Variants in CTNNA2 observed in about 807,000 individuals in gnomAD.
CTNNA2 encodes catenin alpha-2.
In CTNNA2, 42 loss-of-function variants were observed where a neutral mutation model predicts 101.0. The observed-to-expected ratio is 0.42, with a 90% confidence interval of 0.32 to 0.54. CTNNA2 has a LOEUF of 0.54. Ranked by LOEUF, CTNNA2 falls within the 20% of genes least tolerant of loss-of-function variation. The pLI is 0.14. For synonymous variants in CTNNA2, 450 were observed against 456.4 expected (o/e 0.99, Z 0.18); for missense variants, 871 against 1,223.1 (o/e 0.71, Z 4.29).
chr2:80,561,827 A>ATTTTTTT (rs368503035), intron 12 of CTNNA2, among the ~76,000 whole-genome samples: 6 of 123,580 alleles, frequency 4.9e-5, no homozygotes, highest in African/African-American at 6.1e-5. Context: ...CGCCTGGCTA[A>ATTTTTTT]TTTTTTTTTT....
intron 1 of CTNNA2, among the ~76,000 whole-genome samples, chr2:79,633,514 C>A (rs576362296): frequency 1.6e-3 from 251 of 152,264 alleles, no homozygotes; most frequent in Non-Finnish European, 2.6e-3. Context: ...TTAACCCATA[C>A]CTGTAGATGA....
At chr2:80,589,161 G>C (rs1278898721) in intron 14 of CTNNA2, 143 bp from the exon 15 acceptor site, 2 of 800,926 alleles carry the variant, frequency 2.5e-6, no homozygotes, top group Admixed American at 2.9e-5. Context: ...CCCTGGAATG[G>C]AGAAAGACGT....
rs936741631 is a variant in CTNNA2, at chr2:80,349,717, G to C, written c.1057-43494G>C. 1.9e-4 allele frequency among the ~76,000 whole-genome samples: 29 copies of C among 152,000 alleles called. 1 individual carries two copies. Among genetic ancestry groups the C allele is most frequent in the Admixed American group, 1.9e-3 (29 of 15,240 alleles). On this transcript the variant is annotated intron_variant, in intron 7 of 18. Transcript: ENST00000402739. ...GAATTAATTAAATCGATGGGGTCTT[G>C]CTATGTTGCTTAGGCTGGTCTTGAA... is the stretch of plus-strand genomic sequence containing the variant.
intron 2 of CTNNA2, among the ~76,000 whole-genome samples, chr2:79,664,992 T>C (rs1168424288): frequency 6.6e-6 from 1 of 152,170 alleles, no homozygotes; most frequent in Non-Finnish European, 1.5e-5. Context: ...ATTACAGGCG[T>C]GAGCCACCGT....
At chr2:80,046,821 G>A (rs537827982) in intron 7 of CTNNA2, among the ~76,000 whole-genome samples, 1 of 152,258 alleles carries the variant, frequency 6.6e-6, no homozygotes, top group East Asian at 1.9e-4. Flanking sequence ...TAACCAACAT[G>A]TACTCTAGGT....
At chr2:80,490,281 C>T (rs1686946409) in intron 9 of CTNNA2, among the ~76,000 whole-genome samples, 2 of 33,594 alleles carry the variant, frequency 6.0e-5, no homozygotes, top group African/African-American at 2.2e-4. Context: ...TCCCCCCCCA[C>T]CCCCCCCCCG....
At chr2:79,508,750 T>G (rs916768443), upstream of CTNNA2, among the ~76,000 whole-genome samples, 2 of 151,748 alleles carry the variant, frequency 1.3e-5, no homozygotes, top group African/African-American at 4.8e-5. Context: ...AGATAAAAAT[T>G]GCCTCCATTT....
intron 4 of CTNNA2, among the ~76,000 whole-genome samples, chr2:79,415,048 T>C (rs1036677437): frequency 7.9e-5 from 12 of 152,158 alleles, no homozygotes; most frequent in African/African-American, 2.9e-4. Flanking sequence ...CTCCCTGTTG[T>C]GGTTTAGATG....
chr2:79,961,899 T>C (rs1332253090), intron 7 of CTNNA2, among the ~76,000 whole-genome samples: 2 of 151,750 alleles, frequency 1.3e-5, no homozygotes, highest in African/African-American at 2.4e-5. Flanking sequence ...GATGGACCTT[T>C]CCCTGGCCAG....
chr2:80,122,719 C>T (rs181946747), intron 7 of CTNNA2, among the ~76,000 whole-genome samples: 156 of 152,174 alleles, frequency 1.0e-3, no homozygotes, highest in Admixed American at 7.5e-3. Flanking sequence ...GTATAGGTAT[C>T]GCCATAGGTA....
chr2:79,466,705 C>A (rs1228127568), intron 4 of CTNNA2, among the ~76,000 whole-genome samples: 4 of 152,224 alleles, frequency 2.6e-5, no homozygotes. Flanking sequence ...CAGGCAGCAA[C>A]ATTTGCTGTT....
At chr2:80,419,821 G>C (rs1025782265) in intron 9 of CTNNA2, among the ~76,000 whole-genome samples, 2 of 151,878 alleles carry the variant, frequency 1.3e-5, no homozygotes, top group African/African-American at 2.4e-5. Context: ...AGCATGCTCT[G>C]AAACATATCT....
chr2:80,456,434 T>G (rs1683983560), intron 9 of CTNNA2, among the ~76,000 whole-genome samples: 2 of 152,146 alleles, frequency 1.3e-5, no homozygotes, highest in South Asian at 4.1e-4. Flanking sequence ...TTGGGTGGAC[T>G]GGGGTGCTAT....
At chr2:79,558,152 T>A (rs1470724703) in intron 1 of CTNNA2, among the ~76,000 whole-genome samples, 3 of 151,942 alleles carry the variant, frequency 2.0e-5, no homozygotes, top group Non-Finnish European at 4.4e-5. Context: ...GTTCAGGTAG[T>A]TTCCTGGGCT....
At position 80,070,096 on chromosome 2, in the gene CTNNA2, A is replaced by G. The variant is rs574646048; in HGVS notation, c.1056+160299A>G. 2.7e-3 allele frequency among the ~76,000 whole-genome samples: 409 copies of G among 152,106 alleles called. 1 individual carries two copies. The highest frequency in any genetic ancestry group is 4.6e-3 in the Non-Finnish European group (310 of 67,990). On this transcript the variant is annotated intron_variant, in intron 7 of 18. Coordinates refer to ENST00000402739, the MANE Select transcript of CTNNA2 (RefSeq NM_001282597.3). ...ATCAATCAGCCCAGCCAACACTGTA[A>G]CTCCCTTCTCAGTCTATTCACTCAT... is the stretch of plus-strand genomic sequence containing the variant.
chr2:80,018,779 T>TAA (rs11374204), intron 7 of CTNNA2, among the ~76,000 whole-genome samples: 1,801 of 123,870 alleles, frequency 0.015, 15 homozygotes, highest in Non-Finnish European at 0.019. Flanking sequence ...AGACTCTGTG[T>TAA]AAAAAAAAAA....
chr2:79,192,135 G>A (rs1204531423), intron 1 of CTNNA2, among the ~76,000 whole-genome samples: 1 of 151,842 alleles, frequency 6.6e-6, no homozygotes, highest in Admixed American at 6.6e-5. Context: ...AAGTCTAATG[G>A]CAATTTGGGA....
At chr2:80,338,300 T>TC (rs1177597140) in intron 7 of CTNNA2, among the ~76,000 whole-genome samples, 3 of 134,502 alleles carry the variant, frequency 2.2e-5, no homozygotes, top group South Asian at 2.3e-4. Flanking sequence ...TTTTTTCTTT[T>TC]TCTTTTTTTT....
intron 7 of CTNNA2, among the ~76,000 whole-genome samples, chr2:80,036,969 G>A (rs1455679620): frequency 2.0e-5 from 3 of 152,102 alleles, no homozygotes; most frequent in African/African-American, 7.2e-5. Flanking sequence ...TGGGAACTCT[G>A]CTTCAGGATC....
Sources: allele counts gnomAD v4.1 joint callset (sites outside exome capture counted in the v4.1 genomes callset), GRCh38; gene constraint gnomAD v4.1.1; transcripts MANE v1.5; gene names NCBI Gene and HGNC (gene_info 2026-07-23, HGNC 2026-07-21).